The following STARD13 variants were observed in gnomAD, a reference collection of about 807,000 sequenced individuals.
The protein encoded by STARD13 is StAR related lipid transfer domain containing 13.
A neutral mutation model predicts 106.4 loss-of-function variants in STARD13; 62 were observed. That is an observed-to-expected ratio of 0.58 (90% CI 0.48 to 0.72). The LOEUF is 0.72. Among genes scored for constraint, STARD13 ranks in the 30% least tolerant of loss-of-function variants. The probability of loss-of-function intolerance (pLI) is 0.00; values close to 1 mark genes in which losing one functional copy is unlikely to be tolerated. For synonymous variants in STARD13, 565 were observed against 553.0 expected, an observed-to-expected ratio of 1.02 and a Z score of -0.31; for missense variants, 1,387 against 1,424.0, an observed-to-expected ratio of 0.97 and a Z score of 0.42.
At chr13:33,378,797 C>CA in the STARD13 span, among the ~76,000 whole-genome samples, 3,945 of 104,604 alleles carry the variant, frequency 0.038, 128 homozygotes, top group African/African-American at 0.09. Context: ...CTCAAAAAAA[C>CA]AAAAAAAAAA....
rs58705674 is a variant in STARD13, at chr13:33,167,998, A to AT, written c.170-377dup. Among the ~76,000 whole-genome samples the AT allele has an allele frequency of 3.3e-5, 5 of 149,806 alleles. No individual in the cohort carries two copies. The South Asian group carries it at 8.5e-4, about 25-fold the overall frequency. On this transcript the variant is annotated intron_variant, in intron 1 of 13. Coordinates refer to ENST00000336934, the MANE Select transcript of STARD13 (RefSeq NM_178006.4). The stretch of plus-strand genomic sequence containing the variant: ...TACAATTCTTTTTTTTTTTAATGGA[A>AT]TTTTTTTTTTAAGTTCCAAAGATTA...
At chr13:33,165,284 G>T in intron 3 of STARD13, 53 bp downstream of exon 3, 1 of 1,326,112 alleles carries the variant, frequency 7.5e-7, no homozygotes, top group South Asian at 1.2e-5. Context: ...GTATAGTGAT[G>T]CCTGTTGCAG....
chr13:33,350,331 C>A (rs2078063661), exon 1 of STARD13: 8 of 1,534,580 alleles, frequency 5.2e-6, no homozygotes, highest in Non-Finnish European at 7.0e-6. Context: ...CAGCAGATCC[C>A]AGGCTCTGGC....
At chr13:33,443,139 G>A in the STARD13 span, among the ~76,000 whole-genome samples, 1 of 152,092 alleles carries the variant, frequency 6.6e-6, no homozygotes, top group Non-Finnish European at 1.5e-5. Context: ...AGCACTTTGG[G>A]AGGACGAGGC....
chr13:33,627,339 C>T, the STARD13 span, among the ~76,000 whole-genome samples: 1 of 152,140 alleles, frequency 6.6e-6, no homozygotes, highest in Non-Finnish European at 1.5e-5. Flanking sequence ...TATGCTATAA[C>T]ATATGTATTA....
intron 1 of STARD13, among the ~76,000 whole-genome samples, chr13:33,304,135 C>A (rs532993492): frequency 6.6e-6 from 1 of 152,368 alleles, no homozygotes; most frequent in Admixed American, 6.5e-5. Flanking sequence ...TCACTGCAGA[C>A]ACACCACAGG....
intron 1 of STARD13, among the ~76,000 whole-genome samples, chr13:33,229,970 C>T (rs1189342056): frequency 2.0e-5 from 3 of 152,202 alleles, no homozygotes; most frequent in Admixed American, 6.5e-5. Flanking sequence ...GAGACAAACC[C>T]TAGTGAATCC....
At chr13:33,414,047 A>AAAAAAAAAAAAAAAAAAAAAAAG in the STARD13 span, among the ~76,000 whole-genome samples, 1 of 143,674 alleles carries the variant, frequency 7.0e-6, no homozygotes, top group African/African-American at 2.8e-5. Context: ...AAAAAAAAAA[A>AAAAAAAAAAAAAAAAAAAAAAAG]AAAGAAAAGA....
At chr13:33,501,359 C>A in the STARD13 span, among the ~76,000 whole-genome samples, 2 of 152,100 alleles carry the variant, frequency 1.3e-5, no homozygotes, top group African/African-American at 4.8e-5. Flanking sequence ...ATGGTAGTTT[C>A]TTTTGCTGTG....
At chr13:33,648,783 C>CTTTTTTTTTTTTTTTTTTTTTTT in the STARD13 span, among the ~76,000 whole-genome samples, 4 of 77,010 alleles carry the variant, frequency 5.2e-5, no homozygotes, top group Admixed American at 3.0e-4. Flanking sequence ...TTTTCTCTTT[C>CTTTTTTTTTTTTTTTTTTTTTTT]TTTTTTTTTT....
At chr13:33,124,478 C>G (rs1051322017) in intron 7 of STARD13, among the ~76,000 whole-genome samples, 6 of 152,198 alleles carry the variant, frequency 3.9e-5, no homozygotes, top group Non-Finnish European at 2.9e-5. Context: ...TGTTTTTCAT[C>G]TTGGCATTCT....
At chr13:33,299,219 C>T (rs1447934526) in intron 1 of STARD13, among the ~76,000 whole-genome samples, 2 of 152,156 alleles carry the variant, frequency 1.3e-5, no homozygotes, top group African/African-American at 4.8e-5. Flanking sequence ...AATGTTCACA[C>T]AACAACAAAA....
chr13:33,478,419 A>G, the STARD13 span, among the ~76,000 whole-genome samples: 1 of 152,174 alleles, frequency 6.6e-6, no homozygotes, highest in Non-Finnish European at 1.5e-5. Context: ...GTATCACCCA[A>G]AATATTTTTT....
chr13:33,625,091 G>A, the STARD13 span, among the ~76,000 whole-genome samples: 4 of 152,240 alleles, frequency 2.6e-5, no homozygotes, highest in African/African-American at 4.8e-5. Flanking sequence ...GGGCAGAGCA[G>A]AGCCTTTTCT....
chr13:33,643,651 T>A, the STARD13 span, among the ~76,000 whole-genome samples: 1 of 152,246 alleles, frequency 6.6e-6, no homozygotes, highest in East Asian at 1.9e-4. Flanking sequence ...GTTTTGCAGG[T>A]CAGCATACTT....
the STARD13 span, among the ~76,000 whole-genome samples, chr13:33,663,720 A>C: frequency 1.8e-4 from 28 of 152,202 alleles, no homozygotes; most frequent in Non-Finnish European, 3.8e-4. Context: ...CAGTCAGAAA[A>C]AAATAGACAC....
chr13:33,370,679 C>T, the STARD13 span, among the ~76,000 whole-genome samples: 5 of 143,022 alleles, frequency 3.5e-5, no homozygotes, highest in South Asian at 4.3e-4. Flanking sequence ...AGTATAGTGG[C>T]GCAACCTTGG....
At position 33,191,085 on chromosome 13, in the gene STARD13, C is replaced by T. The variant is rs140748316; in HGVS notation, c.170-23463G>A. On this transcript the variant is annotated intron_variant, in intron 1 of 13. Coordinates refer to ENST00000336934, the MANE Select transcript of STARD13 (RefSeq NM_178006.4). The stretch of plus-strand genomic sequence containing the variant: ...AAGGTATGTTTATTTTAATAAGTTA[C>T]GACATAAACAATTACTAAAGTAAGG... Among the ~76,000 whole-genome samples the T allele has an allele frequency of 2.0e-3, 310 of 152,252 alleles. 3 individuals carry two copies. Among genetic ancestry groups the T allele is most frequent in the Admixed American group, 0.019 (288 of 15,294 alleles).
At chr13:33,612,496 G>T in the STARD13 span, among the ~76,000 whole-genome samples, 15 of 152,264 alleles carry the variant, frequency 9.9e-5, no homozygotes, top group East Asian at 2.9e-3. Flanking sequence ...CAGGGGCACA[G>T]CCTCCTGGAA....
Sources: allele counts gnomAD v4.1 joint callset (sites outside exome capture counted in the v4.1 genomes callset), GRCh38; gene constraint gnomAD v4.1.1; transcripts MANE v1.5; gene names NCBI Gene and HGNC (gene_info 2026-07-23, HGNC 2026-07-21).